CTNNA3: variants seen among roughly 807,000 people sequenced by gnomAD.
The protein encoded by CTNNA3 is catenin alpha 3, also known as catenin alpha-3.
A neutral mutation model predicts 95.7 loss-of-function variants in CTNNA3; 76 were observed. That is an observed-to-expected ratio of 0.79 (90% confidence interval 0.66 to 0.96). The LOEUF (loss-of-function observed/expected upper bound fraction) is 0.96. CTNNA3 is among the 40% of genes least tolerant of loss of function. CTNNA3 has a pLI of 0.00. For missense variants in CTNNA3, 1,191 were observed against 1,089.8 expected (o/e 1.09, Z -1.31); for synonymous variants, 431 against 374.4 (o/e 1.15, Z -1.74).
chr10:66,263,727 T>C (rs1033200464), intron 13 of CTNNA3, among the ~76,000 whole-genome samples: 2 of 151,990 alleles, frequency 1.3e-5, no homozygotes, highest in Non-Finnish European at 2.9e-5. Context: ...TTAGAGTGTT[T>C]AGCTCTTTTT....
At chr10:66,479,680 A>T (rs1430273227) in intron 11 of CTNNA3, among the ~76,000 whole-genome samples, 1 of 151,976 alleles carries the variant, frequency 6.6e-6, no homozygotes, top group African/African-American at 2.4e-5. Context: ...TGTTGATCTC[A>T]TACTATATTG....
rs113700470 is a variant in CTNNA3 at position 67,748,143 on chromosome 10, A to C, written c.-2+15291T>G. Among the ~76,000 whole-genome samples the C allele has an allele frequency of 9.4e-3, 1,439 of 152,308 alleles. 8 individuals are homozygous for C. The highest frequency in any genetic ancestry group is 0.014 in the Non-Finnish European group (921 of 68,022). The stretch of plus-strand genomic sequence containing the variant: ...CCTATGATTTATTGGAGTACCTGAA[A>C]GAGACAGAAAGAATGGAACCAAGTT... On this transcript the variant is annotated intron_variant, in intron 1 of 17. Coordinates refer to the CTNNA3 transcript ENST00000684154.
At chr10:67,203,050 C>T (rs1056154910) in intron 6 of CTNNA3, among the ~76,000 whole-genome samples, 5 of 152,142 alleles carry the variant, frequency 3.3e-5, no homozygotes, top group Non-Finnish European at 4.4e-5. Flanking sequence ...TACTCAGAAG[C>T]TTGTATCTCT....
chr10:66,685,963 T>C (rs1320269435), intron 9 of CTNNA3, among the ~76,000 whole-genome samples: 1 of 152,202 alleles, frequency 6.6e-6, no homozygotes, highest in Non-Finnish European at 1.5e-5. Flanking sequence ...TTCATAGTTT[T>C]ATAAGACTTT....
At chr10:66,847,039 A>G (rs1299088758) in intron 7 of CTNNA3, among the ~76,000 whole-genome samples, 1 of 152,194 alleles carries the variant, frequency 6.6e-6, no homozygotes, top group Non-Finnish European at 1.5e-5. Flanking sequence ...CTTGCATGAA[A>G]TATTTTAATT....
At chr10:67,720,602 C>G (rs1161069827) in intron 1 of CTNNA3, among the ~76,000 whole-genome samples, 1 of 152,030 alleles carries the variant, frequency 6.6e-6, no homozygotes, top group Admixed American at 6.6e-5. Context: ...TTTATTTCTC[C>G]TTCGCTTATG....
intron 7 of CTNNA3, among the ~76,000 whole-genome samples, chr10:67,053,662 A>G (rs1307810706): frequency 2.0e-5 from 3 of 152,188 alleles, no homozygotes; most frequent in Non-Finnish European, 4.4e-5. Flanking sequence ...CTACCAGTCA[A>G]TATCTTTGAG....
intron 12 of CTNNA3, among the ~76,000 whole-genome samples, chr10:66,330,411 A>C (rs2092310846): frequency 6.6e-6 from 1 of 151,972 alleles, no homozygotes; most frequent in Non-Finnish European, 1.5e-5. Flanking sequence ...ATCCTGTTTT[A>C]TGGCTGCATA....
chr10:67,629,793 A>T (rs1485695820), intron 2 of CTNNA3, among the ~76,000 whole-genome samples: 1 of 152,202 alleles, frequency 6.6e-6, no homozygotes, highest in Admixed American at 6.5e-5. Flanking sequence ...AACCCTGGCA[A>T]CTAGGTAATC....
At chr10:67,444,552 A>T (rs1846664309) in intron 5 of CTNNA3, among the ~76,000 whole-genome samples, 1 of 152,148 alleles carries the variant, frequency 6.6e-6, no homozygotes, top group Non-Finnish European at 1.5e-5. Flanking sequence ...TGATCAGAGC[A>T]GACATAAGTG....
At chr10:66,890,386 A>AAT (rs2132491630) in intron 7 of CTNNA3, among the ~76,000 whole-genome samples, 1 of 152,234 alleles carries the variant, frequency 6.6e-6, no homozygotes, top group African/African-American at 2.4e-5. Flanking sequence ...AAAAAAAAAA[A>AAT]AATAGTAGCA....
At chr10:67,129,595 A>G (rs1337485267) in intron 7 of CTNNA3, among the ~76,000 whole-genome samples, 1 of 152,132 alleles carries the variant, frequency 6.6e-6, no homozygotes, top group Non-Finnish European at 1.5e-5. Context: ...TATTATAGAG[A>G]TGAGAAAAAT....
At chr10:67,700,724 C>T (rs961632806), upstream of CTNNA3, among the ~76,000 whole-genome samples, 5 of 152,180 alleles carry the variant, frequency 3.3e-5, no homozygotes, top group South Asian at 2.1e-4. Context: ...AGCGCCTCTC[C>T]TCCTCCAAAG....
intron 5 of CTNNA3, among the ~76,000 whole-genome samples, chr10:67,340,344 T>TA (rs1842140857): frequency 6.6e-6 from 1 of 152,046 alleles, no homozygotes; most frequent in Non-Finnish European, 1.5e-5. Flanking sequence ...AAAAATGAAG[T>TA]AAAAAATAAA....
intron 5 of CTNNA3, among the ~76,000 whole-genome samples, chr10:67,310,808 C>T (rs931238612): frequency 4.6e-5 from 7 of 152,116 alleles, no homozygotes; most frequent in South Asian, 2.1e-4. Flanking sequence ...TACCTCCCAC[C>T]GGGTCCCTCC....
chr10:66,660,547 G>T (rs1054346390), intron 9 of CTNNA3, among the ~76,000 whole-genome samples: 1 of 152,056 alleles, frequency 6.6e-6, no homozygotes, highest in Non-Finnish European at 1.5e-5. Flanking sequence ...ATAAATATGT[G>T]GTTGGTTACA....
Position 66,103,254 on chromosome 10 carries a change from A to T in CTNNA3, c.1885-5T>A. 6.2e-7 allele frequency: 1 copy of T among 1,611,086 alleles called. No homozygotes were observed. The highest frequency in any genetic ancestry group is 1.3e-5 in the African/African-American group (1 of 74,972). Reference sequence around the variant, plus strand: ...ATCCTCCAGTTCCTCTGGGGTCTATAAAAAGAAAGCAAAACATTGCTAGTG... The same window carrying T: ...ATCCTCCAGTTCCTCTGGGGTCTATTAAAAGAAAGCAAAACATTGCTAGTG... On this transcript the variant is annotated splice_polypyrimidine_tract_variant and splice_region_variant and intron_variant, in intron 13 of 17. Transcript: ENST00000433211.
chr10:67,738,592 T>C (rs1459759195), intron 1 of CTNNA3, among the ~76,000 whole-genome samples: 3 of 151,710 alleles, frequency 2.0e-5, no homozygotes, highest in African/African-American at 7.3e-5. Flanking sequence ...GGGGGGAGAA[T>C]GACTTTGATG....
intron 14 of CTNNA3, among the ~76,000 whole-genome samples, chr10:66,070,171 A>G (rs992391941): frequency 3.9e-5 from 6 of 152,166 alleles, no homozygotes; most frequent in Non-Finnish European, 7.4e-5. Context: ...TTTAACTGAC[A>G]CAAGTGCTAT....
Sources: allele counts gnomAD v4.1 joint callset (sites outside exome capture counted in the v4.1 genomes callset), GRCh38; gene constraint gnomAD v4.1.1; transcripts MANE v1.5; gene names NCBI Gene and HGNC (gene_info 2026-07-23, HGNC 2026-07-21).